Variants in BTBD10 observed in about 807,000 individuals in gnomAD.
BTBD10 encodes BTB/POZ domain-containing protein 10.
A neutral mutation model predicts 53.2 loss-of-function variants in BTBD10; 21 were observed. That is an observed-to-expected ratio of 0.39 (90% CI 0.28 to 0.57). The LOEUF (loss-of-function observed/expected upper bound fraction) is 0.57, where lower values mean the gene tolerates loss of function less well. Among genes scored for constraint, BTBD10 ranks in the 20% least tolerant of loss-of-function variants. The pLI is 0.53. For missense variants in BTBD10, 360 were observed against 594.7 expected (o/e 0.61, Z 4.10); for synonymous variants, 149 against 192.7 (o/e 0.77, Z 1.88).
At chr11:13,446,100 G>T (rs1397893727) in intron 1 of BTBD10, among the ~76,000 whole-genome samples, 3 of 152,262 alleles carry the variant, frequency 2.0e-5, no homozygotes, top group East Asian at 1.9e-4. Context: ...GGAAATAGAT[G>T]ATTTGACTTT....
At chr11:13,418,489 G>A (rs954661279) in intron 4 of BTBD10, among the ~76,000 whole-genome samples, 1 of 151,844 alleles carries the variant, frequency 6.6e-6, no homozygotes, top group Non-Finnish European at 1.5e-5. Context: ...CATTAACACT[G>A]TCAAGTCATA....
At position 13,430,974 on chromosome 11, in the gene BTBD10, TACACACAC is replaced by T. The variant is rs3046409; in HGVS notation, c.102-9144_102-9137del. Among the ~76,000 whole-genome samples the T allele has an allele frequency of 1.8e-4, 26 of 144,490 alleles. No individual in the cohort carries two copies. In the South Asian group the frequency reaches 5.4e-3, roughly 30 times the overall value. The allele number at this position is 144,490 out of a possible 152,430, so 94.8% of individuals were successfully genotyped here. On this transcript the variant is annotated intron_variant, in intron 2 of 8. Coordinates refer to ENST00000278174, the MANE Select transcript of BTBD10 (RefSeq NM_032320.7). ...TATGGTAAGGTTTTATGGAGATACA[TACACACAC>T]ACACACACACACACACACACAGATA...
rs1461092069 is a variant in BTBD10 at position 13,388,842 on chromosome 11, GA to G, written c.1416del (p.Pro473GlnfsTer9). 6.2e-7 allele frequency: 1 copy of G among 1,612,108 alleles called. No homozygotes were observed. The highest frequency in any genetic ancestry group is 8.5e-7 in the Non-Finnish European group (1 of 1,178,526). ...AAGGAAGATCAGCATCACAGCATTG[GA>G]TTCTGTGCATCAGGATCGAGGTCAC... ...GNSDLDPDAQ[N>X]PML On this transcript the variant is annotated frameshift_variant, in exon 9 of 9. Transcript: ENST00000278174. LOFTEE classifies it high-confidence loss of function.
At chr11:13,437,100 T>G (rs576159597) in intron 2 of BTBD10, among the ~76,000 whole-genome samples, 2 of 152,324 alleles carry the variant, frequency 1.3e-5, no homozygotes, top group Non-Finnish European at 2.9e-5. Flanking sequence ...TCTCTTAAAT[T>G]CTTAGTTCCT....
In BTBD10 at chr11:13,388,745, A is replaced by C. The variant is rs887984894; in HGVS notation, c.*86T>G. The C allele has an allele frequency of 1.8e-5, 24 of 1,369,748 alleles. No individual in the cohort carries two copies. In the African/African-American group the frequency reaches 3.4e-4, roughly 20 times the overall value. The allele number at this position is 1,369,748 out of a possible 1,614,324, so 84.8% of individuals were successfully genotyped here. On this transcript the variant is annotated 3_prime_UTR_variant, in exon 9 of 9. Coordinates refer to ENST00000278174, the MANE Select transcript of BTBD10 (RefSeq NM_032320.7). ...ACATTGTTATGTGCATCTCACAATG[A>C]AGAAGAGTGGCCTTGCAGTGCAGAA...
chr11:13,426,921 T>G (rs1950349609), intron 2 of BTBD10, among the ~76,000 whole-genome samples: 1 of 152,224 alleles, frequency 6.6e-6, no homozygotes, highest in African/African-American at 2.4e-5. Flanking sequence ...GCCATTTAGA[T>G]GTAAACTGTC....
intron 6 of BTBD10, among the ~76,000 whole-genome samples, chr11:13,412,078 G>A (rs1050513412): frequency 1.3e-5 from 2 of 151,980 alleles, no homozygotes; most frequent in Non-Finnish European, 2.9e-5. Context: ...TGATCCGACC[G>A]CCTCTGCCTC....
At chr11:13,462,951 C>G (rs1011818490) in intron 1 of BTBD10, 141 bp downstream of exon 1, 1 of 152,704 alleles carries the variant, frequency 6.5e-6, no homozygotes, top group Admixed American at 6.5e-5. Flanking sequence ...GGTACCCGAG[C>G]AGGGTCCGGC....
chr11:13,449,126 TG>T, intron 1 of BTBD10, among the ~76,000 whole-genome samples: 1 of 151,924 alleles, frequency 6.6e-6, no homozygotes, highest in Non-Finnish European at 1.5e-5. Context: ...AGGTGGGGGT[TG>T]GGGGATAGGC....
intron 3 of BTBD10, 66 bp from the exon 4 acceptor site, chr11:13,419,811 CT>C (rs1950206654): frequency 1.5e-6 from 2 of 1,304,858 alleles, no homozygotes; most frequent in East Asian, 2.5e-5. Flanking sequence ...TTATATATAT[CT>C]TTTTAAATGT....
At position 13,389,147 on chromosome 11, in the gene BTBD10, AG is replaced by A; in HGVS notation, c.1118-7del. 1 of 1,239,290 alleles carries A rather than the reference AG, an allele frequency of 8.1e-7. No homozygotes were observed. Among genetic ancestry groups the A allele is most frequent in the Non-Finnish European group, 1.1e-6 (1 of 888,240 alleles). 76.8% of individuals were successfully genotyped at this position (1,239,290 alleles called of 1,614,324 possible). ...TTCTTTGTAGGTAGGATAACCTGAA[AG>A]AAAGAAAGATTTTAAAAACTGAGGA... On this transcript the variant is annotated splice_region_variant and splice_polypyrimidine_tract_variant and intron_variant, in intron 8 of 8. Coordinates refer to ENST00000278174, the MANE Select transcript of BTBD10 (RefSeq NM_032320.7).
chr11:13,454,052 A>G (rs1950916426), intron 1 of BTBD10, among the ~76,000 whole-genome samples: 1 of 152,120 alleles, frequency 6.6e-6, no homozygotes, highest in African/African-American at 2.4e-5. Context: ...ACTCCATCTC[A>G]AAAACAAAAA....
At chr11:13,407,397 T>C (rs146283013) in intron 6 of BTBD10, among the ~76,000 whole-genome samples, 6 of 152,148 alleles carry the variant, frequency 3.9e-5, no homozygotes, top group Admixed American at 3.9e-4. Flanking sequence ...ACTCAATACA[T>C]CCAAAATTTA....
At chr11:13,442,977 G>A (rs117182337) in intron 2 of BTBD10, among the ~76,000 whole-genome samples, 176 of 152,000 alleles carry the variant, frequency 1.2e-3, no homozygotes, top group Non-Finnish European at 1.8e-3. Flanking sequence ...TCATTTAACA[G>A]ACTTCATAGT....
At position 13,456,133 on chromosome 11, in the gene BTBD10, A is replaced by G. The variant is rs183178356; in HGVS notation, c.-58+6959T>C. On this transcript the variant is annotated intron_variant, in intron 1 of 8. Transcript: ENST00000278174. ...ACACATCTTTGTGTCTTGGTACTATAGGTAGCATTCCACTTTAATAAAATT... is the reference window on the plus strand; with the variant it reads ...ACACATCTTTGTGTCTTGGTACTATGGGTAGCATTCCACTTTAATAAAATT... 5.3e-5 allele frequency among the ~76,000 whole-genome samples: 8 copies of G among 152,320 alleles called. No individual in the cohort carries two copies. The East Asian group carries it at 1.5e-3, about 29-fold the overall frequency.
intron 2 of BTBD10, among the ~76,000 whole-genome samples, chr11:13,424,679 T>C (rs1290152349): frequency 2.6e-5 from 4 of 152,118 alleles, no homozygotes; most frequent in Non-Finnish European, 5.9e-5. Flanking sequence ...TTAGCCCTAA[T>C]ATCTATTTCC....
intron 2 of BTBD10, among the ~76,000 whole-genome samples, chr11:13,432,045 G>A (rs1052313050): frequency 2.6e-5 from 4 of 151,728 alleles, no homozygotes; most frequent in Non-Finnish European, 5.9e-5. Context: ...AAAAACTATT[G>A]ATATCTGCAA....
At chr11:13,456,886 C>T (rs767016021) in intron 1 of BTBD10, among the ~76,000 whole-genome samples, 8 of 152,138 alleles carry the variant, frequency 5.3e-5, no homozygotes, top group South Asian at 2.1e-4. Context: ...GAGGGTCTGG[C>T]GCAGTGACTC....
At chr11:13,392,421 T>C (rs1482167886) in intron 8 of BTBD10, among the ~76,000 whole-genome samples, 1 of 152,120 alleles carries the variant, frequency 6.6e-6, no homozygotes, top group Admixed American at 6.5e-5. Context: ...AACACATGTA[T>C]GACTGGAGCA....
Sources: gnomAD v4.1 joint callset for allele counts (sites outside exome capture counted in the v4.1 genomes callset) on GRCh38, gnomAD v4.1.1 for gene constraint, MANE v1.5 for transcripts, NCBI Gene and HGNC (gene_info 2026-07-23, HGNC 2026-07-21) for gene names.